The following RIC1 variants were observed in gnomAD, a reference collection of about 807,000 sequenced individuals.
The protein encoded by RIC1 is guanine nucleotide exchange factor subunit RIC1.
RIC1 carries 88 observed loss-of-function variants against 169.0 expected under a neutral mutation model. The observed-to-expected ratio is 0.52, with a 90% CI of 0.44 to 0.62. The LOEUF (loss-of-function observed/expected upper bound fraction) is 0.62, where lower values mean the gene tolerates loss of function less well. Among genes scored for constraint, RIC1 ranks in the 20% least tolerant of loss-of-function variants. The pLI, the probability that RIC1 is intolerant of heterozygous loss-of-function variation, is 0.00. For synonymous variants in RIC1, 790 were observed against 601.5 expected (o/e 1.31, Z -4.59); for missense variants, 1,877 against 1,725.5 (o/e 1.09, Z -1.56).
chr9:5,672,964 T>C (rs1820198583), intron 2 of RIC1, among the ~76,000 whole-genome samples: 1 of 152,174 alleles, frequency 6.6e-6, no homozygotes, highest in Non-Finnish European at 1.5e-5. Flanking sequence ...CAGGATGTCC[T>C]TTATCTCGGT....
intron 2 of RIC1, among the ~76,000 whole-genome samples, chr9:5,670,246 A>C (rs1417215081): frequency 6.6e-6 from 1 of 152,206 alleles, no homozygotes; most frequent in East Asian, 1.9e-4. Flanking sequence ...CTTCAACCCT[A>C]TGTAACTGCC....
chr9:5,729,424 G>A (rs77162770), intron 6 of RIC1, among the ~76,000 whole-genome samples: 1,914 of 152,192 alleles, frequency 0.013, 20 homozygotes, highest in Non-Finnish European at 0.018. Flanking sequence ...CAAGCCTTTC[G>A]TGTACCCTAC....
At chr9:5,753,487 A>C in intron 13 of RIC1, 49 bp from the exon 14 acceptor site, 2 of 1,145,782 alleles carry the variant, frequency 1.7e-6, no homozygotes, top group Non-Finnish European at 2.6e-6. Flanking sequence ...TATGCCTAAT[A>C]AAGTATATAG....
At chr9:5,700,464 A>G (rs1822145369) in intron 3 of RIC1, among the ~76,000 whole-genome samples, 2 of 152,162 alleles carry the variant, frequency 1.3e-5, no homozygotes, top group African/African-American at 2.4e-5. Context: ...CTGTAGCTCA[A>G]ACTTTTAAGT....
At position 5,734,250 on chromosome 9, in the gene RIC1, G is replaced by A. The variant is rs112435525; in HGVS notation, c.812+1771G>A. 4.1e-3 allele frequency among the ~76,000 whole-genome samples: 624 copies of A among 151,922 alleles called. 5 individuals carry two copies. The highest frequency in any genetic ancestry group is 7.5e-3 in the Non-Finnish European group (511 of 67,934). On this transcript the variant is annotated intron_variant, in intron 7 of 25. Transcript: ENST00000414202. ...GCATCCTGAGTAGCTCGGATTGCAG[G>A]CATGCACCACCATGCCCGGCTAATT...
At chr9:5,664,056 C>CTT (rs963698504) in intron 2 of RIC1, among the ~76,000 whole-genome samples, 15 of 152,062 alleles carry the variant, frequency 9.9e-5, no homozygotes, top group African/African-American at 3.1e-4. Flanking sequence ...TTCTCCTTTG[C>CTT]TTATAAAGCT....
intron 1 of RIC1, among the ~76,000 whole-genome samples, chr9:5,639,593 T>C (rs1404763407): frequency 6.6e-6 from 1 of 152,208 alleles, no homozygotes; most frequent in Non-Finnish European, 1.5e-5. Flanking sequence ...TAAATATCTG[T>C]TAGGTCCATT....
chr9:5,650,268 G>A (rs2130393488), intron 1 of RIC1, among the ~76,000 whole-genome samples: 1 of 152,228 alleles, frequency 6.6e-6, no homozygotes, highest in Middle Eastern at 3.4e-3. Context: ...AGTTGTGATG[G>A]TAGCATCAGG....
At chr9:5,699,308 C>T (rs576749300) in intron 3 of RIC1, among the ~76,000 whole-genome samples, 2 of 152,102 alleles carry the variant, frequency 1.3e-5, no homozygotes, top group Non-Finnish European at 2.9e-5. Context: ...CCAGTCTGAG[C>T]GAGTGTGGGG....
chr9:5,751,940 T>A (rs1483229299), intron 12 of RIC1, among the ~76,000 whole-genome samples: 6 of 152,250 alleles, frequency 3.9e-5, no homozygotes, highest in African/African-American at 1.4e-4. Flanking sequence ...TGTGACAACT[T>A]TTCTTAGAGT....
chr9:5,633,111 G>C (rs902355877), intron 1 of RIC1, among the ~76,000 whole-genome samples: 2 of 152,106 alleles, frequency 1.3e-5, no homozygotes, highest in Non-Finnish European at 2.9e-5. Flanking sequence ...TAATTACTAG[G>C]CTTATAAAAT....
At chr9:5,648,025 C>G (rs1159929060) in intron 1 of RIC1, among the ~76,000 whole-genome samples, 3 of 150,958 alleles carry the variant, frequency 2.0e-5, no homozygotes, top group South Asian at 2.1e-4. Context: ...CTCTGTTGCC[C>G]AGGCCGGAGT....
chr9:5,663,426 T>C (rs1354777522), intron 2 of RIC1, among the ~76,000 whole-genome samples: 1 of 152,194 alleles, frequency 6.6e-6, no homozygotes, highest in African/African-American at 2.4e-5. Context: ...CAATGGTGTG[T>C]TAAGTCTGCT....
At chr9:5,712,710 G>C (rs911479919) in intron 3 of RIC1, 16 of 152,166 alleles carry the variant, frequency 1.1e-4, no homozygotes, top group African/African-American at 3.6e-4. Flanking sequence ...ATACATCGAA[G>C]ACATCTCAGT....
Position 5,760,467 on chromosome 9 carries a change from C to T in RIC1, c.1993-2074C>T, listed in dbSNP as rs375280739. On this transcript the variant is annotated intron_variant, in intron 17 of 25. Coordinates refer to ENST00000414202, the MANE Select transcript of RIC1 (RefSeq NM_020829.4). ...TGTGGTGAAATCTACCATCTTAAAA[C>T]TTAAGGTAGTCATTATAAACATTAC... Among the ~76,000 whole-genome samples, 543 of 152,270 alleles carry T rather than the reference C, an allele frequency of 3.6e-3. 5 individuals carry two copies. Among genetic ancestry groups the T allele is most frequent in the Non-Finnish European group, 5.1e-3 (344 of 67,994 alleles).
rs145941272 is a variant in RIC1, at chr9:5,745,797, C to T, written c.1096-134C>T. The T allele has an allele frequency of 1.2e-4, 84 of 702,892 alleles. No homozygotes were observed. The South Asian group carries it at 1.4e-3, about 12-fold the overall frequency. 43.5% of individuals were successfully genotyped at this position (702,892 alleles called of 1,614,324 possible). A position where few individuals can be genotyped will look rare whatever the true frequency, so the allele number is the denominator to read the frequency against. Reference sequence around the variant, plus strand: ...GGTGTGATTCTTGTCTGTGTTATCACGGTTTCTCCAACCTTCACAAATCAT... The same window carrying T: ...GGTGTGATTCTTGTCTGTGTTATCATGGTTTCTCCAACCTTCACAAATCAT... On this transcript the variant is annotated intron_variant, in intron 10 of 25. Transcript: ENST00000414202.
chr9:5,755,332 G>A (rs1213687521), intron 15 of RIC1, among the ~76,000 whole-genome samples: 1 of 152,140 alleles, frequency 6.6e-6, no homozygotes, highest in African/African-American at 2.4e-5. Context: ...ACTGTTAATA[G>A]TACTGAACCC....
chr9:5,777,212 T>C (rs901408286), downstream of RIC1, among the ~76,000 whole-genome samples: 2 of 152,158 alleles, frequency 1.3e-5, no homozygotes, highest in African/African-American at 2.4e-5. Flanking sequence ...TGGAGTTCTT[T>C]ATATATTCTG....
intron 2 of RIC1, among the ~76,000 whole-genome samples, chr9:5,667,723 T>C (rs1819861097): frequency 6.6e-6 from 1 of 152,108 alleles, no homozygotes; most frequent in South Asian, 2.1e-4. Flanking sequence ...CAGGCTGGTC[T>C]CAAACTCCTA....
Sources: gnomAD v4.1 joint callset for allele counts (sites outside exome capture counted in the v4.1 genomes callset) on GRCh38, gnomAD v4.1.1 for gene constraint, MANE v1.5 for transcripts, NCBI Gene and HGNC (gene_info 2026-07-23, HGNC 2026-07-21) for gene names.